Variants in PLCE1 observed in about 807,000 individuals in gnomAD.
The protein encoded by PLCE1 is 1-phosphatidylinositol 4,5-bisphosphate phosphodiesterase epsilon-1.
A neutral mutation model predicts 242.8 loss-of-function variants in PLCE1; 119 were observed. That is an observed-to-expected ratio of 0.49 (90% CI 0.42 to 0.57). The LOEUF (loss-of-function observed/expected upper bound fraction) is 0.57. PLCE1 is among the 20% of genes least tolerant of loss of function. The pLI, the probability that PLCE1 is intolerant of heterozygous loss-of-function variation, is 0.00. For synonymous variants in PLCE1, 945 were observed against 1,017.4 expected (o/e 0.93, Z 1.35); for missense variants, 2,441 against 2,788.8 (o/e 0.88, Z 2.81).
At chr10:94,000,613 A>T (rs1339771295) in intron 1 of PLCE1, among the ~76,000 whole-genome samples, 1 of 152,222 alleles carries the variant, frequency 6.6e-6, no homozygotes, top group African/African-American at 2.4e-5. Context: ...GTTGTTACTG[A>T]GTCTCCCAGT....
Position 94,033,676 on chromosome 10 carries a change from G to A in PLCE1, c.1206+1424G>A, listed in dbSNP as rs114624542. Among the ~76,000 whole-genome samples, 110 of 152,130 alleles carry A rather than the reference G, an allele frequency of 7.2e-4. 1 individual carries two copies. The highest frequency in any genetic ancestry group is 2.5e-3 in the African/African-American group (102 of 41,510). On this transcript the variant is annotated intron_variant, in intron 2 of 32. Transcript: ENST00000371380. ...CTCTGGAAATACACATGATCAGGCT[G>A]CCTGCTCTCAGACCTTATCTGTACA...
intron 2 of PLCE1, among the ~76,000 whole-genome samples, chr10:94,064,217 A>G (rs1308165650): frequency 6.6e-6 from 1 of 152,182 alleles, no homozygotes; most frequent in African/African-American, 2.4e-5. Context: ...GAGTTTGGAA[A>G]CAAATTAGTC....
intron 2 of PLCE1, chr10:94,120,608 A>C (rs1308718921): frequency 6.6e-6 from 1 of 152,212 alleles, no homozygotes; most frequent in East Asian, 1.9e-4. Context: ...CAGTGCATTT[A>C]ATAAGGATAA....
At chr10:94,268,885 C>G (rs765424924) in intron 16 of PLCE1, 44 bp from the exon 17 acceptor site, 1 of 1,107,210 alleles carries the variant, frequency 9.0e-7, no homozygotes, top group South Asian at 1.2e-5. Flanking sequence ...GAGGCTTTAT[C>G]TCCAGGTGCT....
intron 3 of PLCE1, chr10:94,138,106 T>C: frequency 2.8e-6 from 1 of 361,462 alleles, no homozygotes; most frequent in Middle Eastern, 1.0e-3. Context: ...CTGTGAAACT[T>C]AATGAGTGGC....
intron 5 of PLCE1, among the ~76,000 whole-genome samples, chr10:94,230,095 G>A (rs923240442): frequency 2.6e-5 from 4 of 152,082 alleles, no homozygotes; most frequent in African/African-American, 9.7e-5. Context: ...CTTATTAAGT[G>A]ACTTTGGTTT....
At chr10:94,067,649 G>A (rs2044236193) in intron 2 of PLCE1, among the ~76,000 whole-genome samples, 1 of 152,216 alleles carries the variant, frequency 6.6e-6, no homozygotes, top group South Asian at 2.1e-4. Flanking sequence ...GCCTGAAGGG[G>A]GAAGAGGAGG....
chr10:94,262,946 A>G (rs933419122), intron 14 of PLCE1, among the ~76,000 whole-genome samples: 3 of 149,864 alleles, frequency 2.0e-5, no homozygotes, highest in Non-Finnish European at 4.4e-5. Flanking sequence ...ATCTCGGCTC[A>G]CTACAACCTC....
At chr10:94,266,377 T>C in intron 16 of PLCE1, among the ~76,000 whole-genome samples, 1 of 152,150 alleles carries the variant, frequency 6.6e-6, no homozygotes, top group Admixed American at 6.5e-5. Flanking sequence ...CAAAATATTG[T>C]TTGTTTTGCT....
At chr10:94,089,410 T>C in intron 2 of PLCE1, 4 of 1,503,634 alleles carry the variant, frequency 2.7e-6, no homozygotes, top group Non-Finnish European at 3.6e-6. Context: ...AATCCCCCAG[T>C]GTTCTTAATG....
chr10:94,320,147 G>T (rs899798081), intron 29 of PLCE1, among the ~76,000 whole-genome samples: 2 of 152,076 alleles, frequency 1.3e-5, no homozygotes, highest in East Asian at 1.9e-4. Flanking sequence ...TCTCTGACTG[G>T]TTAAATATAT....
chr10:94,007,316 A>AGTGATATACAAATACAT (rs2061057556), intron 1 of PLCE1, among the ~76,000 whole-genome samples: 1 of 142,804 alleles, frequency 7.0e-6, no homozygotes, highest in African/African-American at 2.5e-5. Context: ...TGATAGTTGA[A>AGTGATATACAAATACAT]TCTGTGGGTG....
At chr10:94,119,511 C>T (rs574469374) in intron 2 of PLCE1, among the ~76,000 whole-genome samples, 4 of 152,160 alleles carry the variant, frequency 2.6e-5, no homozygotes, top group Non-Finnish European at 1.5e-5. Flanking sequence ...TTAGCTTCAC[C>T]CATAGGAAAA....
At chr10:94,256,285 T>C (rs1364599820) in intron 11 of PLCE1, among the ~76,000 whole-genome samples, 1 of 139,572 alleles carries the variant, frequency 7.2e-6, no homozygotes, top group Non-Finnish European at 1.5e-5. Flanking sequence ...AATCATGCCA[T>C]TGCGCTCCAG....
chr10:94,323,581 A>T (rs1010902076), intron 30 of PLCE1, among the ~76,000 whole-genome samples: 1 of 152,248 alleles, frequency 6.6e-6, no homozygotes, highest in Admixed American at 6.5e-5. Flanking sequence ...ATATGGAGAT[A>T]GTATGATAGT....
At chr10:94,166,830 A>G (rs1245821529) in intron 3 of PLCE1, among the ~76,000 whole-genome samples, 1 of 152,176 alleles carries the variant, frequency 6.6e-6, no homozygotes, top group African/African-American at 2.4e-5. Context: ...TAAATGTGTT[A>G]CTTAACACAA....
chr10:94,058,288 C>T (rs1287645874), intron 2 of PLCE1, among the ~76,000 whole-genome samples: 1 of 152,180 alleles, frequency 6.6e-6, no homozygotes, highest in Non-Finnish European at 1.5e-5. Context: ...TGCAGTCTTT[C>T]TCTCATCGCC....
At chr10:94,184,193 G>A (rs2136488001) in intron 4 of PLCE1, among the ~76,000 whole-genome samples, 1 of 152,214 alleles carries the variant, frequency 6.6e-6, no homozygotes, top group Non-Finnish European at 1.5e-5. Flanking sequence ...CAACAATCGG[G>A]GTGATCATTT....
intron 4 of PLCE1, among the ~76,000 whole-genome samples, chr10:94,204,666 CGAAA>C (rs369112465): frequency 1.4e-5 from 2 of 140,436 alleles, no homozygotes; most frequent in Non-Finnish European, 3.0e-5. Context: ...AACTCTGTCC[CGAAA>C]GAAAGAAAGA....
Sources: gnomAD v4.1 joint callset for allele counts (sites outside exome capture counted in the v4.1 genomes callset) on GRCh38, gnomAD v4.1.1 for gene constraint, MANE v1.5 for transcripts, NCBI Gene and HGNC (gene_info 2026-07-23, HGNC 2026-07-21) for gene names.